Variants in DGKK observed in about 807,000 individuals in gnomAD.
The protein encoded by DGKK is 142 kDa diacylglycerol kinase.
DGKK carries 35 observed loss-of-function variants against 92.2 expected under a neutral mutation model. The ratio of observed to expected loss-of-function variants is 0.38; its 90% CI spans 0.29 to 0.50. DGKK has a LOEUF of 0.50. Among genes scored for constraint, DGKK ranks in the 20% least tolerant of loss-of-function variants. DGKK has a pLI of 0.92. For missense variants in DGKK, 910 were observed against 992.2 expected, an observed-to-expected ratio of 0.92 and a Z score of 1.11; for synonymous variants, 368 against 360.6, an observed-to-expected ratio of 1.02 and a Z score of -0.23.
At chrX:50,463,637 C>A (rs1408692132) in intron 1 of DGKK, among the ~76,000 whole-genome samples, 1 of 107,009 alleles carries the variant, frequency 9.3e-6, no homozygotes, top group Non-Finnish European at 1.9e-5. Flanking sequence ...CTCCTTCTCC[C>A]TTCTCTTCCT....
intron 1 of DGKK, among the ~76,000 whole-genome samples, chrX:50,446,546 C>T (rs1926311088): frequency 9.0e-6 from 1 of 110,519 alleles, no homozygotes; most frequent in East Asian, 2.9e-4. Context: ...CTCTGTGTGC[C>T]TTTTGTCTCT....
At chrX:50,453,542 A>T (rs1569545149) in intron 1 of DGKK, among the ~76,000 whole-genome samples, 1 of 111,800 alleles carries the variant, frequency 8.9e-6, no homozygotes, top group Non-Finnish European at 1.9e-5. Flanking sequence ...AAAGCCAATT[A>T]GAAGTAGTAT....
rs373607473 is a variant in DGKK at position 50,371,741 on chromosome X, G to A, written c.3595C>T (p.Pro1199Ser). ...TTACGCACCTCTGGAACAAAGATTG[G>A]ATTCATCCAGTCAATCTCAGATAGC... ...KKLSEIDWMNPIFVPEEKSSD... is the reference protein window; with the variant it reads ...KKLSEIDWMNSIFVPEEKSSD... The change falls in exon 26 of 28, where the codon CCA becomes TCA. Residue 1199 changes from proline (P) to serine (S), a missense_variant. Transcript: ENST00000611977. The A allele has an allele frequency of 8.3e-7, 1 of 1,200,085 alleles. No individual in the cohort carries two copies. Among genetic ancestry groups the A allele is most frequent in the South Asian group, 1.8e-5 (1 of 55,590 alleles).
Position 50,399,755 on chromosome X carries a change from G to A in DGKK, c.1411+1282C>T, listed in dbSNP as rs148659151. Among the ~76,000 whole-genome samples, 955 of 111,866 alleles carry A rather than the reference G, an allele frequency of 8.5e-3. 7 individuals are homozygous for A. Among genetic ancestry groups the A allele is most frequent in the Middle Eastern group, 0.037 (8 of 218 alleles). ...TCTTAGTATTAGTAAAATAGGTTAG[G>A]TCTTTTAAGCTGTGATATATGATTT... On this transcript the variant is annotated intron_variant, in intron 8 of 27. Transcript: ENST00000611977.
intron 1 of DGKK, among the ~76,000 whole-genome samples, chrX:50,450,011 G>A (rs1194537673): frequency 1.8e-5 from 2 of 111,854 alleles, no homozygotes; most frequent in Non-Finnish European, 3.8e-5. Flanking sequence ...GACTAGTCAT[G>A]TATACACATG....
At chrX:50,438,143 A>G (rs1926081951) in intron 1 of DGKK, among the ~76,000 whole-genome samples, 1 of 110,994 alleles carries the variant, frequency 9.0e-6, no homozygotes, top group African/African-American at 3.3e-5. Context: ...GGGAGAGTCC[A>G]GTTTGAAGCA....
At chrX:50,448,962 C>T (rs900904134) in intron 1 of DGKK, among the ~76,000 whole-genome samples, 1 of 111,640 alleles carries the variant, frequency 9.0e-6, no homozygotes, top group Admixed American at 9.5e-5. Context: ...GCATCTTTTC[C>T]TGTGGTGAGT....
In DGKK at chrX:50,420,474, C is replaced by A; in HGVS notation, c.871G>T (p.Ala291Ser). The change falls in exon 4 of 28, where the codon GCA becomes TCA. Residue 291 changes from alanine to serine, a missense_variant. Coordinates refer to ENST00000611977, the MANE Select transcript of DGKK (RefSeq NM_001013742.4). ...ITPQRKITLA[A>S]PNRKDMEEWI... ...TCTTCCATGTCTTTCCGGTTGGGTG[C>A]AGCCAGAGTGATTTTTCGTTGTGGT... 1 of 1,210,293 alleles carries A rather than the reference C, an allele frequency of 8.3e-7. No homozygotes were observed. Among genetic ancestry groups the A allele is most frequent in the Non-Finnish European group, 1.1e-6 (1 of 894,641 alleles).
chrX:50,426,476 A>G (rs1191157970), intron 1 of DGKK, among the ~76,000 whole-genome samples: 1 of 111,752 alleles, frequency 8.9e-6, no homozygotes, highest in East Asian at 2.8e-4. Flanking sequence ...AGCAAGAAGG[A>G]GAAATTATTA....
intron 1 of DGKK, among the ~76,000 whole-genome samples, chrX:50,434,397 G>T (rs1292873802): frequency 8.9e-6 from 1 of 111,787 alleles, no homozygotes; most frequent in Non-Finnish European, 1.9e-5. Flanking sequence ...GTTCTAAGTC[G>T]CAGTGAATAG....
At chrX:50,391,194 T>G (rs1233109637) in intron 11 of DGKK, among the ~76,000 whole-genome samples, 2 of 111,119 alleles carry the variant, frequency 1.8e-5, no homozygotes, top group Non-Finnish European at 3.8e-5. Flanking sequence ...CATGGCCCAC[T>G]GCAGCCTTAA....
At chrX:50,440,560 A>G (rs1252773019) in intron 1 of DGKK, among the ~76,000 whole-genome samples, 1 of 111,692 alleles carries the variant, frequency 9.0e-6, no homozygotes, top group Non-Finnish European at 1.9e-5. Context: ...TCTCAAGGAA[A>G]GTCTAGATGT....
At chrX:50,394,679 A>G (rs1051305713) in intron 8 of DGKK, among the ~76,000 whole-genome samples, 2 of 112,299 alleles carry the variant, frequency 1.8e-5, no homozygotes, top group Non-Finnish European at 1.9e-5. Context: ...CTGAGAATAC[A>G]GTGGTGGACA....
chrX:50,411,114 T>C (rs898004946), intron 4 of DGKK, among the ~76,000 whole-genome samples: 3 of 111,146 alleles, frequency 2.7e-5, no homozygotes, highest in Non-Finnish European at 1.9e-5. Context: ...GGTGCTCTGA[T>C]TAACTCTTCC....
intron 1 of DGKK, among the ~76,000 whole-genome samples, chrX:50,433,275 C>T (rs1382633862): frequency 3.6e-5 from 4 of 111,863 alleles, no homozygotes; most frequent in African/African-American, 1.3e-4. Context: ...TCTTAGATCT[C>T]CCTGCCCTGT....
At chrX:50,433,424 A>G (rs1925939341) in intron 1 of DGKK, among the ~76,000 whole-genome samples, 1 of 111,680 alleles carries the variant, frequency 9.0e-6, no homozygotes, top group African/African-American at 3.3e-5. Flanking sequence ...AAGGTGAGTG[A>G]AGGTGCCCTA....
intron 14 of DGKK, among the ~76,000 whole-genome samples, chrX:50,387,050 C>A (rs991672815): frequency 2.7e-5 from 3 of 111,263 alleles, no homozygotes; most frequent in South Asian, 7.7e-4. Flanking sequence ...TGATTCTTAG[C>A]TCCATCACTT....
At chrX:50,377,490 A>G (rs1924304117) in intron 22 of DGKK, among the ~76,000 whole-genome samples, 1 of 112,281 alleles carries the variant, frequency 8.9e-6, no homozygotes, top group Non-Finnish European at 1.9e-5. Flanking sequence ...CTAGCACAGA[A>G]TAGGCAGTTT....
intron 6 of DGKK, 88 bp downstream of exon 6, chrX:50,403,403 G>T: frequency 1.0e-6 from 1 of 964,390 alleles, no homozygotes; most frequent in Non-Finnish European, 1.5e-6. Context: ...CTTATCTGGA[G>T]TTAGGAAGAA....
Sources: gnomAD v4.1 joint callset for allele counts (sites outside exome capture counted in the v4.1 genomes callset) on GRCh38, gnomAD v4.1.1 for gene constraint, MANE v1.5 for transcripts, NCBI Gene and HGNC (gene_info 2026-07-23, HGNC 2026-07-21) for gene names.